Variants in TAFA2 observed in about 807,000 individuals in gnomAD.
The protein encoded by TAFA2 is chemokine-like protein TAFA-2.
In TAFA2, 7 loss-of-function variants were observed where a neutral mutation model predicts 18.8. The observed-to-expected ratio is 0.37, with a 90% CI of 0.21 to 0.70. The LOEUF is 0.70. Ranked by LOEUF, TAFA2 falls within the 30% of genes least tolerant of loss-of-function variation. The pLI, the probability that TAFA2 is intolerant of heterozygous loss-of-function variation, is 0.53. For missense variants in TAFA2, 122 were observed against 158.1 expected, an observed-to-expected ratio of 0.77 and a Z score of 1.23; for synonymous variants, 60 against 54.2, an observed-to-expected ratio of 1.11 and a Z score of -0.47.
At chr12:61,926,347 G>C (rs1255132065) in intron 1 of TAFA2, among the ~76,000 whole-genome samples, 2 of 152,144 alleles carry the variant, frequency 1.3e-5, no homozygotes, top group Admixed American at 6.5e-5. Context: ...CATTTTATGA[G>C]GCCAGTATCA....
intron 1 of TAFA2, chr12:62,255,403 G>C (rs549747479): frequency 1.3e-5 from 2 of 152,266 alleles, no homozygotes; most frequent in South Asian, 4.1e-4. Flanking sequence ...ACTCTTAGTT[G>C]AATGGGATAA....
intron 1 of TAFA2, among the ~76,000 whole-genome samples, chr12:62,053,183 G>A (rs887816957): frequency 6.6e-6 from 1 of 152,126 alleles, no homozygotes; most frequent in Non-Finnish European, 1.5e-5. Context: ...ATATAAAAAA[G>A]CAATCAGTAC....
At chr12:61,896,779 T>C (rs1220033580) in intron 1 of TAFA2, among the ~76,000 whole-genome samples, 1 of 152,192 alleles carries the variant, frequency 6.6e-6, no homozygotes, top group Non-Finnish European at 1.5e-5. Context: ...AAATGCTAAA[T>C]ATATATTCTG....
At chr12:61,733,932 A>G (rs1273269293) in intron 4 of TAFA2, among the ~76,000 whole-genome samples, 14 of 148,286 alleles carry the variant, frequency 9.4e-5, no homozygotes, top group Non-Finnish European at 1.5e-5. Context: ...ATTTGTTTGT[A>G]TCCTCTTTTA....
At chr12:62,026,144 A>G (rs568770869) in intron 1 of TAFA2, among the ~76,000 whole-genome samples, 39 of 152,270 alleles carry the variant, frequency 2.6e-4, no homozygotes, top group African/African-American at 9.1e-4. Context: ...TAACCATGAA[A>G]AGGATTAATT....
chr12:61,961,535 T>C (rs979743883), intron 1 of TAFA2, among the ~76,000 whole-genome samples: 1 of 152,010 alleles, frequency 6.6e-6, no homozygotes, highest in Non-Finnish European at 1.5e-5. Flanking sequence ...TATTTTTATA[T>C]AAATTTAATG....
At chr12:62,259,349 C>G (rs1023152804), upstream of TAFA2, 1 of 152,224 alleles carries the variant, frequency 6.6e-6, no homozygotes, top group Non-Finnish European at 1.5e-5. Flanking sequence ...TGTACAAAGG[C>G]TAAAACAAAA....
At chr12:62,107,990 A>G (rs1328661062) in intron 1 of TAFA2, among the ~76,000 whole-genome samples, 1 of 151,970 alleles carries the variant, frequency 6.6e-6, no homozygotes, top group Non-Finnish European at 1.5e-5. Context: ...TCCATATAAA[A>G]GCTTTTTTTA....
In TAFA2 at chr12:62,060,231, G is replaced by C. The variant is rs575596777; in HGVS notation, c.-2+131028C>G. Among the ~76,000 whole-genome samples, 10 of 152,312 alleles carry C rather than the reference G, an allele frequency of 6.6e-5. No individual in the cohort carries two copies. The South Asian group carries it at 2.1e-3, about 32-fold the overall frequency. On this transcript the variant is annotated intron_variant, in intron 1 of 4. Transcript: ENST00000416284. Reference sequence around the variant, plus strand: ...AAATACAAGCTTCTACAGGCAGACAGATCTAGGAATGTTGCAAATAATAAA... The same window carrying C: ...AAATACAAGCTTCTACAGGCAGACACATCTAGGAATGTTGCAAATAATAAA...
chr12:62,106,978 G>C (rs1360231956), intron 1 of TAFA2, among the ~76,000 whole-genome samples: 1 of 151,982 alleles, frequency 6.6e-6, no homozygotes, highest in Non-Finnish European at 1.5e-5. Context: ...GTTGACATAG[G>C]TCAAGACAAA....
intron 1 of TAFA2, among the ~76,000 whole-genome samples, chr12:62,066,971 A>C (rs1244213455): frequency 2.0e-5 from 3 of 151,946 alleles, no homozygotes; most frequent in African/African-American, 7.2e-5. Context: ...CCTCCTCAGC[A>C]TTTGTTATTG....
At chr12:61,877,567 T>C (rs1038384323) in intron 1 of TAFA2, among the ~76,000 whole-genome samples, 3 of 152,180 alleles carry the variant, frequency 2.0e-5, no homozygotes, top group Admixed American at 6.5e-5. Flanking sequence ...CCCTACATTA[T>C]GGGGATATGA....
At chr12:62,126,682 T>C (rs1473228099) in intron 1 of TAFA2, among the ~76,000 whole-genome samples, 2 of 152,010 alleles carry the variant, frequency 1.3e-5, no homozygotes, top group African/African-American at 2.4e-5. Flanking sequence ...AATGCATAAG[T>C]ATAAACGATG....
intron 1 of TAFA2, among the ~76,000 whole-genome samples, chr12:61,889,799 G>T (rs978017424): frequency 1.3e-5 from 2 of 152,126 alleles, no homozygotes; most frequent in Admixed American, 1.3e-4. Flanking sequence ...TTTTTAAATT[G>T]TTTTGTCTGC....
At chr12:61,794,270 T>A (rs1368897822) in intron 2 of TAFA2, among the ~76,000 whole-genome samples, 1 of 152,040 alleles carries the variant, frequency 6.6e-6, no homozygotes, top group Non-Finnish European at 1.5e-5. Context: ...AAATATTTGC[T>A]GACAGCATGA....
At chr12:61,832,249 C>T (rs755496866) in intron 2 of TAFA2, among the ~76,000 whole-genome samples, 3 of 152,156 alleles carry the variant, frequency 2.0e-5, no homozygotes, top group Non-Finnish European at 2.9e-5. Flanking sequence ...GGCCATGCAA[C>T]GTTTACCTGC....
chr12:61,953,236 C>A (rs560573516), intron 1 of TAFA2, among the ~76,000 whole-genome samples: 24 of 152,150 alleles, frequency 1.6e-4, no homozygotes, highest in African/African-American at 4.8e-4. Context: ...TTAAAAAAAA[C>A]CCAAAAACAT....
At chr12:62,021,183 A>G (rs968158706) in intron 1 of TAFA2, among the ~76,000 whole-genome samples, 8 of 152,336 alleles carry the variant, frequency 5.3e-5, no homozygotes, top group East Asian at 1.9e-4. Context: ...GATAAGTACT[A>G]TGGTACAAGT....
At chr12:62,153,276 GA>G (rs1363285061) in intron 1 of TAFA2, among the ~76,000 whole-genome samples, 2 of 152,166 alleles carry the variant, frequency 1.3e-5, no homozygotes, top group Non-Finnish European at 2.9e-5. Context: ...AGACATACAA[GA>G]AGTGGAACAT....
Sources: allele counts gnomAD v4.1 joint callset (sites outside exome capture counted in the v4.1 genomes callset), GRCh38; gene constraint gnomAD v4.1.1; transcripts MANE v1.5; gene names NCBI Gene and HGNC (gene_info 2026-07-23, HGNC 2026-07-21).